Variants in ZPBP observed in about 807,000 individuals in gnomAD.
ZPBP encodes zona pellucida binding protein.
In ZPBP, 26 loss-of-function variants were observed where a neutral mutation model predicts 44.8. The observed-to-expected ratio is 0.58, with a 90% CI of 0.43 to 0.81. The LOEUF is 0.81. Among genes scored for constraint, ZPBP ranks in the 30% least tolerant of loss-of-function variants. ZPBP has a pLI of 0.00. For synonymous variants in ZPBP, 174 were observed against 153.2 expected (o/e 1.14, Z -1.00); for missense variants, 409 against 434.0 (o/e 0.94, Z 0.51).
chr7:49,875,506 G>A (rs995770419), intron 2 of ZPBP, among the ~76,000 whole-genome samples: 1 of 152,038 alleles, frequency 6.6e-6, no homozygotes, highest in Admixed American at 6.6e-5. Flanking sequence ...TGGGGAAGCT[G>A]GAGGAGAGCC....
At chr7:49,954,940 C>T (rs1477015238) in intron 7 of ZPBP, among the ~76,000 whole-genome samples, 1 of 152,082 alleles carries the variant, frequency 6.6e-6, no homozygotes, top group East Asian at 1.9e-4. Flanking sequence ...GGCCAGAAAA[C>T]AATCTTCATA....
intron 2 of ZPBP, among the ~76,000 whole-genome samples, chr7:49,875,080 A>G (rs962038484): frequency 1.3e-5 from 2 of 152,106 alleles, no homozygotes; most frequent in African/African-American, 4.8e-5. Flanking sequence ...CATAAATAAT[A>G]GTAAAAATTG....
At chr7:49,890,791 C>T (rs1487360845) in intron 2 of ZPBP, among the ~76,000 whole-genome samples, 1 of 151,884 alleles carries the variant, frequency 6.6e-6, no homozygotes, top group Non-Finnish European at 1.5e-5. Flanking sequence ...GTCTAGCTCT[C>T]ACAGGAAAGG....
intron 2 of ZPBP, among the ~76,000 whole-genome samples, chr7:49,855,390 C>G (rs1406217867): frequency 1.3e-5 from 2 of 152,116 alleles, no homozygotes; most frequent in Non-Finnish European, 2.9e-5. Flanking sequence ...ATTTACATGA[C>G]AGGGACCTTG....
intron 2 of ZPBP, among the ~76,000 whole-genome samples, chr7:49,858,515 C>T (rs866305921): frequency 3.3e-4 from 44 of 135,150 alleles, no homozygotes; most frequent in African/African-American, 1.2e-3. Flanking sequence ...TGACAACACA[C>T]GGACACAGGA....
At chr7:49,891,036 A>C (rs1196221776) in intron 2 of ZPBP, among the ~76,000 whole-genome samples, 3 of 152,224 alleles carry the variant, frequency 2.0e-5, no homozygotes, top group East Asian at 3.8e-4. Flanking sequence ...ATTCATTACT[A>C]TATTGAATAA....
intron 3 of ZPBP, 144 bp downstream of exon 3, chr7:50,081,630 T>G: frequency 1.0e-6 from 1 of 990,038 alleles, no homozygotes; most frequent in South Asian, 1.5e-5. Flanking sequence ...ACTATCTACA[T>G]TGTTAGCTCT....
intron 6 of ZPBP, among the ~76,000 whole-genome samples, chr7:50,006,001 C>T (rs1584027915): frequency 6.6e-6 from 1 of 151,504 alleles, no homozygotes; most frequent in East Asian, 1.9e-4. Context: ...CAAAAAAGAG[C>T]ATACTAATAT....
intron 5 of ZPBP, among the ~76,000 whole-genome samples, chr7:50,020,139 A>C (rs576266824): frequency 1.3e-4 from 20 of 152,164 alleles, no homozygotes; most frequent in African/African-American, 4.6e-4. Context: ...TAATAACCTA[A>C]GGTACAGCTT....
At chr7:49,885,783 C>G (rs1032096548) in intron 2 of ZPBP, among the ~76,000 whole-genome samples, 1 of 152,146 alleles carries the variant, frequency 6.6e-6, no homozygotes, top group Non-Finnish European at 1.5e-5. Flanking sequence ...CAGGTGCTTG[C>G]GGCCTGGACC....
chr7:50,085,098 C>G (rs544724752), intron 2 of ZPBP, among the ~76,000 whole-genome samples: 6 of 152,160 alleles, frequency 3.9e-5, no homozygotes, highest in Admixed American at 3.9e-4. Flanking sequence ...ATGAAGTCAT[C>G]AGGCTGAGTA....
At chr7:49,932,921 T>C (rs1015577344), downstream of ZPBP, among the ~76,000 whole-genome samples, 2 of 152,164 alleles carry the variant, frequency 1.3e-5, no homozygotes, top group Non-Finnish European at 2.9e-5. Context: ...CCTGCCACCA[T>C]GCAAGACGTG....
chr7:49,856,437 GC>G (rs1321937824), intron 2 of ZPBP, among the ~76,000 whole-genome samples: 1 of 152,056 alleles, frequency 6.6e-6, no homozygotes, highest in African/African-American at 2.4e-5. Flanking sequence ...AAAGATGTTG[GC>G]CCCATGCTTC....
chr7:50,061,956 GA>G (rs1362659349), intron 3 of ZPBP, among the ~76,000 whole-genome samples: 1 of 152,152 alleles, frequency 6.6e-6, no homozygotes, highest in African/African-American at 2.4e-5. Context: ...TTCTAGATCT[GA>G]TAAACAACTT....
At chr7:49,924,677 T>C (rs1794160322) in intron 1 of ZPBP, among the ~76,000 whole-genome samples, 1 of 152,170 alleles carries the variant, frequency 6.6e-6, no homozygotes, top group Non-Finnish European at 1.5e-5. Context: ...AATAAAATTA[T>C]ATTATGGGAG....
At chr7:49,972,943 T>A (rs1256960576) in intron 7 of ZPBP, among the ~76,000 whole-genome samples, 1 of 151,848 alleles carries the variant, frequency 6.6e-6, no homozygotes, top group African/African-American at 2.4e-5. Context: ...TGTCAACTGA[T>A]TTTGACAAGG....
chr7:49,842,239 A>C, the ZPBP span, among the ~76,000 whole-genome samples: 3 of 152,202 alleles, frequency 2.0e-5, no homozygotes, highest in Admixed American at 2.0e-4. Flanking sequence ...ATCTTAGTGG[A>C]TATGCATGAA....
At chr7:49,859,740 T>C (rs1009068145) in intron 2 of ZPBP, among the ~76,000 whole-genome samples, 3 of 152,208 alleles carry the variant, frequency 2.0e-5, no homozygotes, top group African/African-American at 7.2e-5. Flanking sequence ...ATTTTCTCCA[T>C]CTATTTCTCC....
chr7:50,084,741 A>G (rs1254398857), intron 2 of ZPBP, among the ~76,000 whole-genome samples: 1 of 152,066 alleles, frequency 6.6e-6, no homozygotes, highest in East Asian at 1.9e-4. Flanking sequence ...ATAAAAGAAA[A>G]TGAAAGGGAA....
Sources: allele counts gnomAD v4.1 joint callset (sites outside exome capture counted in the v4.1 genomes callset), GRCh38; gene constraint gnomAD v4.1.1; transcripts MANE v1.5; gene names NCBI Gene and HGNC (gene_info 2026-07-23, HGNC 2026-07-21).